The following ZNF638 variants were observed in gnomAD, a reference collection of about 807,000 sequenced individuals.
ZNF638 encodes zinc finger protein 638.
A neutral mutation model predicts 195.6 loss-of-function variants in ZNF638; 46 were observed. The ratio of observed to expected loss-of-function variants is 0.24; its 90% CI spans 0.19 to 0.30. The LOEUF is 0.30. Ranked by LOEUF, ZNF638 falls within the 10% of genes least tolerant of loss-of-function variation. ZNF638 has a pLI of 1.00. For missense variants in ZNF638, 2,440 were observed against 2,325.3 expected, an observed-to-expected ratio of 1.05 and a Z score of -1.01; for synonymous variants, 845 against 772.0, an observed-to-expected ratio of 1.09 and a Z score of -1.57.
intron 25 of ZNF638, among the ~76,000 whole-genome samples, chr2:71,429,465 G>A (rs892033556): frequency 3.3e-5 from 5 of 151,932 alleles, no homozygotes; most frequent in African/African-American, 2.4e-5. Context: ...CCTTGCTTTC[G>A]TTTTTATTTG....
chr2:71,343,679 C>T (rs1354808191), intron 1 of ZNF638, among the ~76,000 whole-genome samples: 4 of 152,108 alleles, frequency 2.6e-5, no homozygotes, highest in African/African-American at 7.2e-5. Flanking sequence ...TTCTGACACC[C>T]CTAAATAGAA....
chr2:71,410,509 C>T (rs1273150820), intron 20 of ZNF638, among the ~76,000 whole-genome samples: 1 of 152,004 alleles, frequency 6.6e-6, no homozygotes, highest in Non-Finnish European at 1.5e-5. Flanking sequence ...CTGTGCTTGG[C>T]CCTAAACTAA....
chr2:71,394,439 A>G (rs1347903916), intron 10 of ZNF638, among the ~76,000 whole-genome samples: 4 of 152,274 alleles, frequency 2.6e-5, no homozygotes, highest in East Asian at 3.9e-4. Flanking sequence ...CTACCCATCC[A>G]TATGTTTTTC....
chr2:71,392,024 G>T (rs1238194605), intron 10 of ZNF638, among the ~76,000 whole-genome samples: 1 of 152,180 alleles, frequency 6.6e-6, no homozygotes, highest in Admixed American at 6.5e-5. Context: ...ACACTATTTG[G>T]CTATATCCAG....
intron 10 of ZNF638, chr2:71,381,024 C>T (rs1195309964): frequency 1.3e-5 from 2 of 152,296 alleles, no homozygotes; most frequent in Non-Finnish European, 2.9e-5. Flanking sequence ...AAAGCTATTT[C>T]TTTATACTCA....
Position 71,434,884 on chromosome 2 carries a change from T to C in ZNF638, c.*77T>C. 1 of 1,353,846 alleles carries C rather than the reference T, an allele frequency of 7.4e-7. No individual in the cohort carries two copies. 83.9% of individuals were successfully genotyped at this position (1,353,846 alleles called of 1,614,324 possible). A position where few individuals can be genotyped will look rare whatever the true frequency, so the allele number is the denominator to read the frequency against. On this transcript the variant is annotated 3_prime_UTR_variant, in exon 28 of 28. Coordinates refer to ENST00000264447, the MANE Select transcript of ZNF638 (RefSeq NM_014497.5). ...TGTGTATTTTTGTTATCATTTAATT[T>C]GTAATTTTCGTTTCAGAAGCAAATA...
chr2:71,351,756 T>A (rs2078944463), intron 2 of ZNF638, among the ~76,000 whole-genome samples: 1 of 152,180 alleles, frequency 6.6e-6, no homozygotes, highest in South Asian at 2.1e-4. Flanking sequence ...ATTTTAGATG[T>A]TATTAAGCAG....
At chr2:71,363,588 A>T (rs1052089707) in intron 4 of ZNF638, among the ~76,000 whole-genome samples, 3 of 152,254 alleles carry the variant, frequency 2.0e-5, no homozygotes, top group African/African-American at 7.2e-5. Context: ...TCAGGAAAAA[A>T]TTATTGAAAA....
At chr2:71,367,480 C>A (rs1402063758) in intron 6 of ZNF638, among the ~76,000 whole-genome samples, 1 of 142,940 alleles carries the variant, frequency 7.0e-6, no homozygotes, top group Non-Finnish European at 1.5e-5. Flanking sequence ...GTCACCCAGG[C>A]TGGAGTGCAG....
rs542106255 is a variant in ZNF638, at chr2:71,424,844, T to A, written c.4590+129T>A. On this transcript the variant is annotated intron_variant, in intron 23 of 27. Coordinates refer to ENST00000264447, the MANE Select transcript of ZNF638 (RefSeq NM_014497.5). ...TTTAGAGCAAGGGATAGGAATGAGATGTTTTGTTTTTAACTTATCTCTAAT... is the reference window on the plus strand; with the variant it reads ...TTTAGAGCAAGGGATAGGAATGAGAAGTTTTGTTTTTAACTTATCTCTAAT... The A allele has an allele frequency of 3.5e-4, 238 of 687,998 alleles. 1 individual carries two copies. The highest frequency in any genetic ancestry group is 5.5e-4 in the Admixed American group (16 of 29,054). The allele number at this position is 687,998 out of a possible 1,614,324, so 42.6% of individuals were successfully genotyped here.
intron 18 of ZNF638, 50 bp downstream of exon 18, chr2:71,405,692 C>T (rs375468189): frequency 5.0e-5 from 65 of 1,291,406 alleles, no homozygotes; most frequent in African/African-American, 1.4e-4. Flanking sequence ...TTGATGGAAA[C>T]ATTGTTTTAC....
chr2:71,400,521 C>A lies in ZNF638; in HGVS notation c.2697+3C>A. The A allele has an allele frequency of 1.3e-6, 2 of 1,597,112 alleles. No homozygotes were observed. The highest frequency in any genetic ancestry group is 2.3e-5 in the South Asian group (2 of 87,828). ...CAGAGAATGAACCACTTAACAAGGTCAGTTTTCATGTTTTATTTATTTCTT... is the reference window on the plus strand; with the variant it reads ...CAGAGAATGAACCACTTAACAAGGTAAGTTTTCATGTTTTATTTATTTCTT... On this transcript the variant is annotated splice_donor_region_variant and intron_variant, in intron 15 of 27. Transcript: ENST00000264447.
At chr2:71,383,696 C>T (rs1302205078) in intron 10 of ZNF638, among the ~76,000 whole-genome samples, 7 of 150,234 alleles carry the variant, frequency 4.7e-5, no homozygotes, top group Middle Eastern at 3.4e-3. Context: ...CTCAGCCTCC[C>T]GAGTAGCTGG....
intron 12 of ZNF638, 87 bp downstream of exon 12, chr2:71,398,859 G>C (rs572762521): frequency 8.5e-7 from 1 of 1,177,834 alleles, no homozygotes; most frequent in Admixed American, 2.1e-5. Flanking sequence ...TCTAATACTT[G>C]AAGAGTTTAG....
chr2:71,367,035 C>G (rs1376857481), intron 6 of ZNF638, among the ~76,000 whole-genome samples: 1 of 152,056 alleles, frequency 6.6e-6, no homozygotes, highest in Non-Finnish European at 1.5e-5. Flanking sequence ...GAAAGACTTT[C>G]AGTAAGTGCT....
Position 71,403,970 on chromosome 2 carries a change from C to T in ZNF638, c.2930C>T (p.Ala977Val), listed in dbSNP as rs1172432399. Reference protein sequence around the residue: ...MDGNQLSISMAPENMNIKDEE... With the variant: ...MDGNQLSISMVPENMNIKDEE... Reference sequence around the variant, plus strand: ...GGAAATCAACTCTCAATAAGTATGGCTCCTGAAAACATGAATATAAAAGAT... The same window carrying T: ...GGAAATCAACTCTCAATAAGTATGGTTCCTGAAAACATGAATATAAAAGAT... The change falls in exon 17 of 28, where the codon GCT becomes GTT. Residue 977 changes from alanine (A) to valine (V), a missense_variant. This residue lies in a region of ZNF638 where 1,883 missense variants were observed against 1,739.1 expected (regional missense o/e 1.08). Coordinates refer to ENST00000264447, the MANE Select transcript of ZNF638 (RefSeq NM_014497.5). The T allele has an allele frequency of 6.2e-7, 1 of 1,611,728 alleles. No homozygotes were observed. Among genetic ancestry groups the T allele is most frequent in the Admixed American group, 1.7e-5 (1 of 59,690 alleles).
chr2:71,431,752 T>A (rs1268406891), intron 26 of ZNF638, among the ~76,000 whole-genome samples: 1 of 142,156 alleles, frequency 7.0e-6, no homozygotes, highest in Non-Finnish European at 1.5e-5. Flanking sequence ...AGAGTGAGAC[T>A]CCGTCTCAAA....
At chr2:71,354,186 T>C (rs769543666) in intron 2 of ZNF638, among the ~76,000 whole-genome samples, 3 of 152,336 alleles carry the variant, frequency 2.0e-5, no homozygotes, top group South Asian at 4.1e-4. Context: ...AAACAAATAA[T>C]AACATTTTCC....
At chr2:71,417,660 G>GTT (rs542759028) in intron 20 of ZNF638, among the ~76,000 whole-genome samples, 25 of 144,566 alleles carry the variant, frequency 1.7e-4, no homozygotes, top group African/African-American at 6.0e-4. Flanking sequence ...ACCATGCAGG[G>GTT]TTTTTTTTTT....
Sources: allele counts gnomAD v4.1 joint callset (sites outside exome capture counted in the v4.1 genomes callset), GRCh38; gene constraint gnomAD v4.1.1; regional missense constraint gnomAD v4.1.1; transcripts MANE v1.5; gene names NCBI Gene and HGNC (gene_info 2026-07-23, HGNC 2026-07-21).